DIDO1: variants seen among roughly 807,000 people sequenced by gnomAD.
The protein encoded by DIDO1 is death-inducer obliterator 1.
Under a neutral mutation model 99.4 loss-of-function variants are expected in DIDO1, and 16 were observed. That is an observed-to-expected ratio of 0.16 (90% confidence interval 0.11 to 0.24). The LOEUF (loss-of-function observed/expected upper bound fraction) is 0.24. Among genes scored for constraint, DIDO1 ranks in the 10% least tolerant of loss-of-function variants. The pLI, the probability that DIDO1 is intolerant of heterozygous loss-of-function variation, is 1.00. For missense variants in DIDO1, 2,996 were observed against 3,014.0 expected (o/e 0.99, Z 0.14); for synonymous variants, 1,366 against 1,239.1 (o/e 1.10, Z -2.15).
At position 62,879,382 on chromosome 20, in the gene DIDO1, A is replaced by ACCGGTC; in HGVS notation, c.6568_6573dup (p.Asp2190_Arg2191dup). The stretch of plus-strand genomic sequence containing the variant: ...TCTCGGTCCCGCTCTCTGCTCCGGG[A>ACCGGTC]CCGGTCCCGGTCGCGCCTCCGGTCT... On this transcript the variant is annotated inframe_insertion, in exon 16 of 16. Coordinates refer to ENST00000395343, the MANE Select transcript of DIDO1 (RefSeq NM_001193369.2). This position sits in a 1 kb window ranked among gnomAD's most constrained non-coding sequence, Gnocchi z 6.3. 1 of 1,540,998 alleles carries ACCGGTC rather than the reference A, an allele frequency of 6.5e-7. No homozygotes were observed. The highest frequency in any genetic ancestry group is 8.7e-7 in the Non-Finnish European group (1 of 1,146,610).
chr20:62,924,832 T>C (rs1005961366), intron 1 of DIDO1, among the ~76,000 whole-genome samples: 1 of 152,164 alleles, frequency 6.6e-6, no homozygotes, highest in African/African-American at 2.4e-5. Context: ...CTGCTTGACA[T>C]AGTCTGAATT....
chr20:62,894,624 A>C lies in DIDO1; in HGVS notation c.2437-76T>G. 5 of 1,559,120 alleles carry C rather than the reference A, an allele frequency of 3.2e-6. No individual in the cohort carries two copies. Among genetic ancestry groups the C allele is most frequent in the Middle Eastern group, 2.3e-4 (1 of 4,336 alleles). ...CTCCAAATTAACCACACACAAGAAAAGCAGTCTCATGGGATTGAGACCCAC... is the reference window on the plus strand; with the variant it reads ...CTCCAAATTAACCACACACAAGAAACGCAGTCTCATGGGATTGAGACCCAC... On this transcript the variant is annotated intron_variant, in intron 10 of 15. Coordinates refer to ENST00000395343, the MANE Select transcript of DIDO1 (RefSeq NM_001193369.2). This position sits in a 1 kb window ranked among gnomAD's most constrained non-coding sequence, Gnocchi z 4.4.
In DIDO1 at chr20:62,911,840, C is replaced by T. The variant is rs1371422738; in HGVS notation, c.-2-226G>A. Among the ~76,000 whole-genome samples the T allele has an allele frequency of 2.0e-5, 3 of 152,188 alleles. No individual in the cohort carries two copies. Among genetic ancestry groups the T allele is most frequent in the Non-Finnish European group, 4.4e-5 (3 of 68,030 alleles). On this transcript the variant is annotated intron_variant, in intron 2 of 15. Coordinates refer to ENST00000395343, the MANE Select transcript of DIDO1 (RefSeq NM_001193369.2). This position sits in a 1 kb window ranked among gnomAD's most constrained non-coding sequence, Gnocchi z 7.0. ...AACAACTAACGTTTAGACAAAAATA[C>T]AGCTAACAAATCAAATGTACAATTT...
chr20:62,922,089 A>G (rs1264524625), intron 1 of DIDO1, among the ~76,000 whole-genome samples: 1 of 137,156 alleles, frequency 7.3e-6, no homozygotes, highest in African/African-American at 2.9e-5. Context: ...TATACACACT[A>G]TATATACACA....
Position 62,893,165 on chromosome 20 carries a change from A to G in DIDO1, c.3102-203T>C, listed in dbSNP as rs546381082. Among the ~76,000 whole-genome samples the G allele has an allele frequency of 2.0e-5, 3 of 152,158 alleles. No homozygotes were observed. In the East Asian group the frequency reaches 5.8e-4, roughly 29 times the overall value. ...CTCAGCCTTTCAAGTAGCTGGGACT[A>G]CACGCGTGCATTACCACACCTAGCT... On this transcript the variant is annotated intron_variant, in intron 12 of 15. Coordinates refer to ENST00000395343, the MANE Select transcript of DIDO1 (RefSeq NM_001193369.2).
chr20:62,886,536 G>C (rs1180822051), intron 15 of DIDO1, among the ~76,000 whole-genome samples: 1 of 152,144 alleles, frequency 6.6e-6, no homozygotes, highest in Non-Finnish European at 1.5e-5. Flanking sequence ...GTCGCAACAG[G>C]GACTGGGGGA....
At chr20:62,936,915 T>A (rs940334569) in intron 1 of DIDO1, among the ~76,000 whole-genome samples, 7 of 152,254 alleles carry the variant, frequency 4.6e-5, no homozygotes, top group Non-Finnish European at 7.3e-5. Context: ...GTTATGTAGT[T>A]GCAAATGAAA....
At chr20:62,923,387 G>T (rs1001377039) in intron 1 of DIDO1, among the ~76,000 whole-genome samples, 1 of 152,038 alleles carries the variant, frequency 6.6e-6, no homozygotes, top group African/African-American at 2.4e-5. Flanking sequence ...ATATTGGCCA[G>T]GCTGGTCTTG....
chr20:62,889,505 C>G, intron 15 of DIDO1: 1 of 985,474 alleles, frequency 1.0e-6, no homozygotes, highest in Non-Finnish European at 1.2e-6. Flanking sequence ...AGAAAAAGTG[C>G]TCTTTCCACC....
chr20:62,879,269 C>T lies in DIDO1; in HGVS notation c.6687G>A (p.Ser2229=), dbSNP rs372132324. The T allele has an allele frequency of 1.1e-5, 17 of 1,568,288 alleles. No homozygotes were observed. Among genetic ancestry groups the T allele is most frequent in the South Asian group, 1.2e-5 (1 of 85,448 alleles). The change falls in exon 16 of 16, where the codon TCG becomes TCA. Residue 2229 remains serine (S), a synonymous_variant. Transcript: ENST00000395343. This position sits in a 1 kb window ranked among gnomAD's most constrained non-coding sequence, Gnocchi z 6.3. ...AGGCGGTGCCAGCGTCGGAGGCCCT[C>T]GAGGCCTCGGGCTTCGGGTCCCGAG... ...ESARDPKPEA[S]RASDAGTASQ...
intron 6 of DIDO1, among the ~76,000 whole-genome samples, chr20:62,904,305 T>C (rs1266352605): frequency 2.0e-5 from 3 of 152,280 alleles, no homozygotes; most frequent in East Asian, 1.9e-4. Context: ...TGATGAACAT[T>C]TGAGACATTT....
chr20:62,929,753 GTTTTGT>G (rs1430504090), upstream of DIDO1, among the ~76,000 whole-genome samples: 3 of 97,514 alleles, frequency 3.1e-5, no homozygotes, highest in South Asian at 3.2e-4. Context: ...TTCAGCCACT[GTTTTGT>G]TTTTTTTTTT....
Position 62,879,773 on chromosome 20 carries a change from G to T in DIDO1, c.6183C>A (p.Ala2061=), listed in dbSNP as rs909763097. The change falls in exon 16 of 16, where the codon GCC becomes GCA. Residue 2061 remains alanine (A), a synonymous_variant. Transcript: ENST00000395343. This position sits in a 1 kb window ranked among gnomAD's most constrained non-coding sequence, Gnocchi z 6.3. ...AGTCGGCCGATGCCCACTGTCCGTC[G>T]GCCTCGGGGCCCTGTCCGGGCGCAC... ...SSSAPGQGPE[A]DGQWASADFR... 3.7e-6 allele frequency: 6 copies of T among 1,611,570 alleles called. No individual in the cohort carries two copies. Among genetic ancestry groups the T allele is most frequent in the African/African-American group, 1.3e-5 (1 of 75,022 alleles).
chr20:62,887,912 G>A, intron 15 of DIDO1: 1 of 985,492 alleles, frequency 1.0e-6, no homozygotes, highest in Non-Finnish European at 1.2e-6. Flanking sequence ...TGCCCCCACT[G>A]CGGGGCAGAG....
chr20:62,882,584 C>T (rs2064227550), intron 15 of DIDO1, among the ~76,000 whole-genome samples, 170 bp from the exon 16 acceptor site: 1 of 152,140 alleles, frequency 6.6e-6, no homozygotes. Flanking sequence ...TGGACGATTC[C>T]GCCCCAGGAA....
chr20:62,926,260 C>CCGCCCGCCCGCT (rs1555852764), intron 1 of DIDO1, among the ~76,000 whole-genome samples, 179 bp downstream of exon 1: 4 of 26,480 alleles, frequency 1.5e-4, no homozygotes, highest in African/African-American at 1.9e-3. Context: ...GCCCGCTCGC[C>CCGCCCGCCCGCT]CGCCCGCCCG....
chr20:62,921,801 TTG>T (rs10657976), intron 1 of DIDO1, among the ~76,000 whole-genome samples: 3 of 149,628 alleles, frequency 2.0e-5, no homozygotes, highest in East Asian at 3.9e-4. Flanking sequence ...TGCCCAGCTA[TTG>T]TGTGTGTGTG....
chr20:62,901,781 TAAG>T (rs1172735868), intron 6 of DIDO1, among the ~76,000 whole-genome samples: 1 of 144,728 alleles, frequency 6.9e-6, no homozygotes, highest in Non-Finnish European at 1.5e-5. Flanking sequence ...TTTTAGAAGC[TAAG>T]AATATAACTA....
chr20:62,908,642 T>A (rs1422957001), intron 4 of DIDO1, among the ~76,000 whole-genome samples: 2 of 152,178 alleles, frequency 1.3e-5, no homozygotes. Context: ...CCACAGAATC[T>A]AAGTTTTATT....
Sources: gnomAD v4.1 joint callset for allele counts (sites outside exome capture counted in the v4.1 genomes callset) on GRCh38, gnomAD v4.1.1 for gene constraint, Gnocchi (gnomAD v3.1) non-coding constraint, MANE v1.5 for transcripts, NCBI Gene and HGNC (gene_info 2026-07-23, HGNC 2026-07-21) for gene names.